Variants in CUL3 observed in about 807,000 individuals in gnomAD.
The protein encoded by CUL3 is cullin-3.
Under a neutral mutation model 89.1 loss-of-function variants are expected in CUL3, and 19 were observed. The observed-to-expected ratio is 0.21, with a 90% CI of 0.15 to 0.31. The LOEUF is 0.31. Among genes scored for constraint, CUL3 ranks in the 10% least tolerant of loss-of-function variants. CUL3 has a pLI of 1.00. For missense variants in CUL3, 469 were observed against 942.3 expected (o/e 0.50, Z 6.58); for synonymous variants, 351 against 308.4 (o/e 1.14, Z -1.45).
Position 224,470,622 on chromosome 2 carries a change from A to G in CUL3, c.*3623T>C, listed in dbSNP as rs1227324451. On this transcript the variant is annotated 3_prime_UTR_variant, in exon 16 of 16. Transcript: ENST00000264414. ...ACATGCCTATCTGTGGTACCCACTT[A>G]AGTATGTAAAACTTTCTCTAAGATT... is the stretch of plus-strand genomic sequence containing the variant. 4.3e-6 allele frequency: 1 copy of G among 231,812 alleles called. No individual in the cohort carries two copies. Among genetic ancestry groups the G allele is most frequent in the African/African-American group, 2.2e-5 (1 of 45,290 alleles). 14.4% of individuals were successfully genotyped at this position (231,812 alleles called of 1,614,324 possible).
chr2:224,543,768 G>C (rs1694198904), intron 2 of CUL3, among the ~76,000 whole-genome samples: 1 of 152,092 alleles, frequency 6.6e-6, no homozygotes, highest in East Asian at 1.9e-4. Context: ...ACAATGGCTT[G>C]AGCTCAGGAA....
intron 2 of CUL3, among the ~76,000 whole-genome samples, chr2:224,540,689 AAAAC>A (rs1304586282): frequency 7.9e-5 from 12 of 152,154 alleles, no homozygotes; most frequent in African/African-American, 2.4e-4. Context: ...TTTCTTCTAA[AAAAC>A]AAACAAAAAA....
At chr2:224,533,195 T>C (rs1693757629) in intron 3 of CUL3, 1 of 152,144 alleles carries the variant, frequency 6.6e-6, no homozygotes, top group Non-Finnish European at 1.5e-5. Flanking sequence ...CTGTATGAAT[T>C]TTCAGTTCAT....
At chr2:224,553,387 C>T (rs1298620035) in intron 2 of CUL3, among the ~76,000 whole-genome samples, 4 of 152,066 alleles carry the variant, frequency 2.6e-5, no homozygotes, top group South Asian at 2.1e-4. Context: ...TTTTCAGATG[C>T]CGGCAATGAT....
intron 3 of CUL3, among the ~76,000 whole-genome samples, chr2:224,521,204 A>G (rs1693246297): frequency 6.6e-6 from 1 of 152,202 alleles, no homozygotes; most frequent in African/African-American, 2.4e-5. Flanking sequence ...TGGTGCACCC[A>G]AGGAAAGAAA....
chr2:224,577,810 TAAAC>T (rs1358562902), intron 1 of CUL3, among the ~76,000 whole-genome samples: 2 of 152,148 alleles, frequency 1.3e-5, no homozygotes. Context: ...CCTATAAAAT[TAAAC>T]ATACATTATG....
At chr2:224,580,016 G>A (rs1336867531) in intron 1 of CUL3, among the ~76,000 whole-genome samples, 1 of 152,162 alleles carries the variant, frequency 6.6e-6, no homozygotes, top group Non-Finnish European at 1.5e-5. Context: ...ATCCTACATA[G>A]TGGAACAAAG....
chr2:224,543,215 G>A (rs372289921), intron 2 of CUL3, among the ~76,000 whole-genome samples: 38 of 152,246 alleles, frequency 2.5e-4, no homozygotes, highest in African/African-American at 8.9e-4. Flanking sequence ...ACTGAAAATT[G>A]AGGACTTCCT....
chr2:224,491,560 TTTC>T (rs1166331091), intron 13 of CUL3, among the ~76,000 whole-genome samples: 1 of 152,214 alleles, frequency 6.6e-6, no homozygotes, highest in African/African-American at 2.4e-5. Flanking sequence ...ATTTCATTCC[TTTC>T]TTCTTCTTAG....
rs1212205295 is a variant in CUL3 at position 224,485,929 on chromosome 2, T to C, written c.1843-3851A>G. On this transcript the variant is annotated intron_variant, in intron 13 of 15. Coordinates refer to ENST00000264414, the MANE Select transcript of CUL3 (RefSeq NM_003590.5). This position sits in a 1 kb window ranked among gnomAD's most constrained non-coding sequence, Gnocchi z 4.1. ...AGAGGAAGGAGCAGGCAGCAATCTT[T>C]GCTGTTCTGCAGCCTCCACTGGTGA... 1.3e-5 allele frequency among the ~76,000 whole-genome samples: 2 copies of C among 152,220 alleles called. No homozygotes were observed. Among genetic ancestry groups the C allele is most frequent in the Non-Finnish European group, 2.9e-5 (2 of 68,034 alleles).
intron 12 of CUL3, among the ~76,000 whole-genome samples, chr2:224,497,151 T>G (rs1363287492): frequency 6.6e-6 from 1 of 152,130 alleles, no homozygotes; most frequent in Non-Finnish European, 1.5e-5. Context: ...TTAGGTATAT[T>G]TCTACAGTTT....
At chr2:224,570,516 T>C (rs901920066) in intron 1 of CUL3, among the ~76,000 whole-genome samples, 2 of 152,208 alleles carry the variant, frequency 1.3e-5, no homozygotes, top group Non-Finnish European at 2.9e-5. Flanking sequence ...AGAAGAGACA[T>C]ATAGCCTTGA....
chr2:224,584,068 A>AG (rs1695507887), intron 1 of CUL3, among the ~76,000 whole-genome samples: 1 of 152,232 alleles, frequency 6.6e-6, no homozygotes, highest in Non-Finnish European at 1.5e-5. Flanking sequence ...AAGCTGAACC[A>AG]GATTTGACAC....
Position 224,500,368 on chromosome 2 carries a change from G to C in CUL3, c.1605C>G (p.Phe535Leu). 3 of 1,613,912 alleles carry C rather than the reference G, an allele frequency of 1.9e-6. No homozygotes were observed. The highest frequency in any genetic ancestry group is 2.5e-6 in the Non-Finnish European group (3 of 1,179,908). Residue 535 changes from phenylalanine to leucine, a missense_variant, in exon 11 of 16, where the codon TTC becomes TTG. Coordinates refer to ENST00000264414, the MANE Select transcript of CUL3 (RefSeq NM_003590.5). ...PPAPRHAFEIFRRFYLAKHSG... is the reference protein window; with the variant it reads ...PPAPRHAFEILRRFYLAKHSG... ...AAAGTCTGATTTTGATTTACCTTCT[G>C]AATATCTCAAAAGCATGTCTTGGTG...
At chr2:224,545,221 T>C (rs1694251570) in intron 2 of CUL3, among the ~76,000 whole-genome samples, 1 of 152,190 alleles carries the variant, frequency 6.6e-6, no homozygotes, top group African/African-American at 2.4e-5. Context: ...GATTCCTGAA[T>C]AATATAAAAT....
intron 3 of CUL3, among the ~76,000 whole-genome samples, chr2:224,520,357 C>T (rs1417755623): frequency 6.6e-6 from 1 of 152,212 alleles, no homozygotes; most frequent in Non-Finnish European, 1.5e-5. Flanking sequence ...CCACCTCATG[C>T]CCCCCTTTTC....
chr2:224,481,046 C>T (rs1269802141), intron 14 of CUL3, among the ~76,000 whole-genome samples: 1 of 152,000 alleles, frequency 6.6e-6, no homozygotes, highest in African/African-American at 2.4e-5. Context: ...GCTCTAGAAT[C>T]CATGTACTCT....
intron 13 of CUL3, among the ~76,000 whole-genome samples, chr2:224,493,636 A>C (rs1051120795): frequency 1.3e-5 from 2 of 152,218 alleles, no homozygotes; most frequent in African/African-American, 4.8e-5. Flanking sequence ...TGAACCACTA[A>C]ATTTTCCAGC....
At chr2:224,528,007 A>C (rs1693541284) in intron 3 of CUL3, among the ~76,000 whole-genome samples, 1 of 152,134 alleles carries the variant, frequency 6.6e-6, no homozygotes, top group Non-Finnish European at 1.5e-5. Flanking sequence ...AACTCACCTA[A>C]ATTATCCCCT....
Sources: allele counts gnomAD v4.1 joint callset (sites outside exome capture counted in the v4.1 genomes callset), GRCh38; gene constraint gnomAD v4.1.1; non-coding constraint Gnocchi (gnomAD v3.1); transcripts MANE v1.5; gene names NCBI Gene and HGNC (gene_info 2026-07-23, HGNC 2026-07-21).